Variants in RUBCN observed in about 807,000 individuals in gnomAD.
RUBCN encodes the protein rubicon autophagy regulator, also known as run domain Beclin-1-interacting and cysteine-rich domain-containing protein.
A neutral mutation model predicts 113.2 loss-of-function variants in RUBCN; 74 were observed. The ratio of observed to expected loss-of-function variants is 0.65; its 90% CI spans 0.54 to 0.79. RUBCN has a LOEUF of 0.79. Among genes scored for constraint, RUBCN ranks in the 30% least tolerant of loss-of-function variants. The pLI is 0.00. For synonymous variants in RUBCN, 480 were observed against 490.0 expected (o/e 0.98, Z 0.27); for missense variants, 1,109 against 1,251.7 (o/e 0.89, Z 1.72).
At chr3:197,715,536 A>G (rs1725430459) in intron 2 of RUBCN, among the ~76,000 whole-genome samples, 1 of 152,148 alleles carries the variant, frequency 6.6e-6, no homozygotes, top group African/African-American at 2.4e-5. Flanking sequence ...AGCACATACT[A>G]GGAGAGCTCT....
intron 1 of RUBCN, among the ~76,000 whole-genome samples, chr3:197,726,854 C>A (rs1434730723): frequency 6.6e-6 from 1 of 151,546 alleles, no homozygotes; most frequent in Non-Finnish European, 1.5e-5. Flanking sequence ...GAAAATGTCA[C>A]CCAGTAGAAA....
At chr3:197,682,094 T>C (rs530769110) in intron 14 of RUBCN, among the ~76,000 whole-genome samples, 195 bp from the exon 15 acceptor site, 2 of 152,098 alleles carry the variant, frequency 1.3e-5, no homozygotes, top group Non-Finnish European at 2.9e-5. Context: ...AGGCAGTCAC[T>C]CTGCCCAGTA....
intron 2 of RUBCN, among the ~76,000 whole-genome samples, chr3:197,707,881 T>C (rs1724495415): frequency 6.6e-6 from 1 of 151,886 alleles, no homozygotes. Flanking sequence ...GGAGAATCAC[T>C]TGAGCCTGGG....
intron 2 of RUBCN, among the ~76,000 whole-genome samples, chr3:197,710,075 C>T (rs976071743): frequency 2.0e-5 from 3 of 151,258 alleles, no homozygotes; most frequent in East Asian, 2.0e-4. Flanking sequence ...GAAGCTGAGA[C>T]GGGAGAATTG....
Position 197,676,992 on chromosome 3 carries a change from G to A in RUBCN, c.2539C>T (p.Leu847Phe), listed in dbSNP as rs74821104. The A allele has an allele frequency of 6.2e-7, 1 of 1,614,106 alleles. No individual in the cohort carries two copies. The highest frequency in any genetic ancestry group is 1.1e-5 in the South Asian group (1 of 91,072). ...DTVPGHLTED[L>F]HLYSLNDLTA... ...AGGTCATTCAGTGAGTACAGGTGGA[G>A]GTCCTCTGTCAGGTGGCCTGGGACT... Residue 847 changes from leucine to phenylalanine, a missense_variant, in exon 18 of 20, where the codon CTC becomes TTC. This residue lies in a region of RUBCN where 306 missense variants were observed against 348.9 expected (regional missense o/e 0.88). Transcript: ENST00000296343.
At chr3:197,676,597 G>GCC in intron 18 of RUBCN, 1 of 1,287,994 alleles carries the variant, frequency 7.8e-7, no homozygotes, top group Non-Finnish European at 9.9e-7. Flanking sequence ...AGAGGCCTAA[G>GCC]CCACCGTGCC....
At position 197,682,570 on chromosome 3, in the gene RUBCN, GC is replaced by G; in HGVS notation, c.2025del (p.Gln676SerfsTer25). On this transcript the variant is annotated frameshift_variant, in exon 14 of 20. Coordinates refer to ENST00000296343, the MANE Select transcript of RUBCN (RefSeq NM_014687.4). LOFTEE classifies it high-confidence loss of function. ...CGCAGCTTGTAGATGTCAGCGTGCT[GC>G]CCGTCATCCGGTGAGATGGGCAGTG... ...PDSLPISPDD[G>X]QHADIYKLRI... 6.2e-7 allele frequency: 1 copy of G among 1,614,164 alleles called. No individual in the cohort carries two copies. The highest frequency in any genetic ancestry group is 8.5e-7 in the Non-Finnish European group (1 of 1,180,026).
chr3:197,742,729 G>A (rs1250051088), intron 1 of RUBCN, among the ~76,000 whole-genome samples: 3 of 152,234 alleles, frequency 2.0e-5, no homozygotes, highest in Non-Finnish European at 4.4e-5. Context: ...GGGGCACAGA[G>A]AGAAGAAGCC....
chr3:197,682,878 G>T (rs1320982524), intron 13 of RUBCN, among the ~76,000 whole-genome samples: 2 of 152,176 alleles, frequency 1.3e-5, no homozygotes, highest in Non-Finnish European at 2.9e-5. Context: ...ACAAGTGAGG[G>T]CCGTGGGTTC....
In RUBCN at chr3:197,669,192, C is replaced by A. The variant is rs1477327162; in HGVS notation, c.*5826G>T. Among the ~76,000 whole-genome samples, 4 of 152,224 alleles carry A rather than the reference C, an allele frequency of 2.6e-5. No individual in the cohort carries two copies. Among genetic ancestry groups the A allele is most frequent in the African/African-American group, 9.7e-5 (4 of 41,448 alleles). On this transcript the variant is annotated 3_prime_UTR_variant, in exon 20 of 20. Transcript: ENST00000296343. Reference sequence around the variant, plus strand: ...CATCTTACATTACTGTAGTACTGGACATTTCCCAAAACTAAGGAACCAACA... The same window carrying A: ...CATCTTACATTACTGTAGTACTGGAAATTTCCCAAAACTAAGGAACCAACA...
chr3:197,677,558 G>T lies in RUBCN; in HGVS notation c.2431-17C>A, dbSNP rs374214486. 8 of 1,612,784 alleles carry T rather than the reference G, an allele frequency of 5.0e-6. No homozygotes were observed. The African/African-American group carries it at 6.7e-5, about 13-fold the overall frequency. On this transcript the variant is annotated splice_polypyrimidine_tract_variant and intron_variant, in intron 16 of 19. Transcript: ENST00000296343. ...CCGCAGCAGCTGAAAAGAAAGAGAG[G>T]GGGGCAGGAGTGGGAGGGAGATGTG... is the stretch of plus-strand genomic sequence containing the variant.
rs1430895441 is a variant in RUBCN at position 197,676,891 on chromosome 3, T to C, written c.2640A>G (p.Arg880=). The part of the protein sequence containing the change: ...LTRAGATHVE[R]CMLCQAKGFI... ...TACAGTGAGACTTTCTCACCATGCA[T>C]CTCTCCACATGGGTAGCCCCTGCCC... Residue 880 remains arginine, a synonymous_variant, in exon 18 of 20, where the codon AGA becomes AGG. Coordinates refer to ENST00000296343, the MANE Select transcript of RUBCN (RefSeq NM_014687.4). 1 of 1,614,146 alleles carries C rather than the reference T, an allele frequency of 6.2e-7. No individual in the cohort carries two copies. Among genetic ancestry groups the C allele is most frequent in the South Asian group, 1.1e-5 (1 of 91,082 alleles).
chr3:197,749,729 C>T (rs1021557697), upstream of RUBCN: 47 of 617,574 alleles, frequency 7.6e-5, no homozygotes, highest in Non-Finnish European at 1.3e-4. Flanking sequence ...GCGCCTAGCA[C>T]AGCGGCTGCA....
rs145907636 is a variant in RUBCN, at chr3:197,687,428, C to G, written c.1787-3211G>C. On this transcript the variant is annotated intron_variant, in intron 11 of 19. Coordinates refer to ENST00000296343, the MANE Select transcript of RUBCN (RefSeq NM_014687.4). Reference sequence around the variant, plus strand: ...AATTTATTGTCTTTCAACTCCAAATCTGCCCTTGTTTTTGCCTGCTCTGCA... The same window carrying G: ...AATTTATTGTCTTTCAACTCCAAATGTGCCCTTGTTTTTGCCTGCTCTGCA... Among the ~76,000 whole-genome samples, 823 of 152,356 alleles carry G rather than the reference C, an allele frequency of 5.4e-3. 6 individuals carry two copies. Among genetic ancestry groups the G allele is most frequent in the South Asian group, 0.017 (83 of 4,832 alleles).
At chr3:197,691,763 T>C (rs1388562484) in intron 11 of RUBCN, among the ~76,000 whole-genome samples, 1 of 152,094 alleles carries the variant, frequency 6.6e-6, no homozygotes, top group Non-Finnish European at 1.5e-5. Flanking sequence ...GGATCTGAAT[T>C]TACCTCACTA....
At chr3:197,714,176 A>G (rs893852804) in intron 2 of RUBCN, among the ~76,000 whole-genome samples, 3 of 152,180 alleles carry the variant, frequency 2.0e-5, no homozygotes, top group Non-Finnish European at 4.4e-5. Flanking sequence ...GTCTGATTCA[A>G]AAGTCCGTAA....
intron 1 of RUBCN, among the ~76,000 whole-genome samples, chr3:197,727,943 GT>G (rs1726942926): frequency 6.6e-6 from 1 of 152,268 alleles, no homozygotes; most frequent in Non-Finnish European, 1.5e-5. Flanking sequence ...AGTCTTTTCA[GT>G]TTCAGGTAGA....
At chr3:197,723,970 T>C (rs1726451645) in intron 1 of RUBCN, among the ~76,000 whole-genome samples, 1 of 152,050 alleles carries the variant, frequency 6.6e-6, no homozygotes, top group Non-Finnish European at 1.5e-5. Context: ...TGGTGGCACA[T>C]GCCTGTAATC....
chr3:197,704,066 TTG>T (rs1194423509), intron 4 of RUBCN, among the ~76,000 whole-genome samples: 1 of 152,142 alleles, frequency 6.6e-6, no homozygotes, highest in Non-Finnish European at 1.5e-5. Flanking sequence ...TAAAGCTGGA[TTG>T]TGTCTTACTT....
Sources: gnomAD v4.1 joint callset for allele counts (sites outside exome capture counted in the v4.1 genomes callset) on GRCh38, gnomAD v4.1.1 for gene constraint, gnomAD v4.1.1 regional missense constraint, MANE v1.5 for transcripts, NCBI Gene and HGNC (gene_info 2026-07-23, HGNC 2026-07-21) for gene names.